The following ATP9A variants were observed in gnomAD, a reference collection of about 807,000 sequenced individuals.
The protein encoded by ATP9A is probable phospholipid-transporting ATPase IIA.
Under a neutral mutation model 144.1 loss-of-function variants are expected in ATP9A, and 52 were observed. That is an observed-to-expected ratio of 0.36 (90% CI 0.29 to 0.45). The LOEUF (loss-of-function observed/expected upper bound fraction) is 0.45. Among genes scored for constraint, ATP9A ranks in the 20% least tolerant of loss-of-function variants. The pLI is 1.00. For missense variants in ATP9A, 947 were observed against 1,392.7 expected (o/e 0.68, Z 5.09); for synonymous variants, 582 against 557.4 (o/e 1.04, Z -0.62).
At chr20:51,764,111 G>A (rs1432637670) in intron 1 of ATP9A, among the ~76,000 whole-genome samples, 1 of 152,040 alleles carries the variant, frequency 6.6e-6, no homozygotes, top group Non-Finnish European at 1.5e-5. Context: ...AACTTTACAT[G>A]GACTAAAAAA....
rs756116581 is a variant in ATP9A at position 51,746,343 on chromosome 20, C to T, written c.69-16365G>A. On this transcript the variant is annotated intron_variant, in intron 1 of 27. Coordinates refer to ENST00000338821, the MANE Select transcript of ATP9A (RefSeq NM_006045.3). The stretch of plus-strand genomic sequence containing the variant: ...TTTTTAAAATTTTTTATTTCATTCA[C>T]TTAACTGATTGAAATAGCCACGTGG... Among the ~76,000 whole-genome samples, 54 of 152,236 alleles carry T rather than the reference C, an allele frequency of 3.5e-4. 1 individual carries two copies. Among genetic ancestry groups the T allele is most frequent in the Non-Finnish European group, 1.0e-4 (7 of 68,034 alleles).
At chr20:51,710,789 G>A (rs2077634962) in intron 4 of ATP9A, among the ~76,000 whole-genome samples, 4 of 152,156 alleles carry the variant, frequency 2.6e-5, no homozygotes, top group African/African-American at 9.7e-5. Context: ...GCTGAGTGAA[G>A]TTGAAGCAAG....
intron 3 of ATP9A, among the ~76,000 whole-genome samples, chr20:51,714,657 C>G (rs1198047818): frequency 1.3e-5 from 2 of 152,150 alleles, no homozygotes; most frequent in Admixed American, 6.5e-5. Context: ...CGTGAGCCAC[C>G]ACGCCCAGCA....
intron 2 of ATP9A, among the ~76,000 whole-genome samples, chr20:51,729,379 G>C (rs1007678278): frequency 1.8e-4 from 24 of 133,126 alleles, no homozygotes; most frequent in African/African-American, 6.0e-4. Flanking sequence ...GCTGAACCCA[G>C]GGAAGATGAA....
chr20:51,662,334 C>T lies in ATP9A; in HGVS notation c.1294-5184G>A, dbSNP rs558418303. On this transcript the variant is annotated intron_variant, in intron 13 of 27. Transcript: ENST00000338821. ...GGAAGACGAGTGGATCGCCTGAGGTCGGGAGCTCGAGACCAGCCTGGCCAA... is the reference window on the plus strand; with the variant it reads ...GGAAGACGAGTGGATCGCCTGAGGTTGGGAGCTCGAGACCAGCCTGGCCAA... 5.9e-5 allele frequency among the ~76,000 whole-genome samples: 9 copies of T among 152,092 alleles called. No individual in the cohort carries two copies. In the South Asian group the frequency reaches 1.5e-3, roughly 25 times the overall value.
At chr20:51,625,096 G>A in intron 18 of ATP9A, 96 bp downstream of exon 18, 1 of 1,258,712 alleles carries the variant, frequency 7.9e-7, no homozygotes, top group Non-Finnish European at 1.1e-6. Context: ...GTCCTCTGCT[G>A]CTCCTCCCAC....
At chr20:51,766,329 C>T (rs551485918) in intron 1 of ATP9A, among the ~76,000 whole-genome samples, 14 of 152,308 alleles carry the variant, frequency 9.2e-5, no homozygotes, top group Middle Eastern at 3.4e-3. Flanking sequence ...TCAGGACACC[C>T]ACACCTGTTG....
At chr20:51,603,561 C>A (rs752369186) in intron 27 of ATP9A, among the ~76,000 whole-genome samples, 2 of 152,042 alleles carry the variant, frequency 1.3e-5, no homozygotes, top group African/African-American at 4.8e-5. Context: ...GTGGCTCAAT[C>A]AATTGGGAAG....
intron 9 of ATP9A, among the ~76,000 whole-genome samples, chr20:51,685,002 C>T (rs542975039): frequency 2.2e-5 from 3 of 137,836 alleles, no homozygotes; most frequent in South Asian, 2.3e-4. Context: ...CTGAGCGAGA[C>T]TCCATCTCCA....
intron 13 of ATP9A, among the ~76,000 whole-genome samples, chr20:51,663,620 C>T (rs2077420182): frequency 6.6e-6 from 1 of 151,890 alleles, no homozygotes. Flanking sequence ...TGGTGAAACC[C>T]CATCTCTACC....
intron 7 of ATP9A, among the ~76,000 whole-genome samples, chr20:51,693,369 AC>A (rs2077556436): frequency 6.6e-6 from 1 of 152,178 alleles, no homozygotes; most frequent in Non-Finnish European, 1.5e-5. Flanking sequence ...AGAATGACAG[AC>A]CCGACAGGCT....
At chr20:51,642,557 T>C (rs1362850723) in intron 14 of ATP9A, among the ~76,000 whole-genome samples, 1 of 151,630 alleles carries the variant, frequency 6.6e-6, no homozygotes, top group Non-Finnish European at 1.5e-5. Context: ...TCAAGGTCGC[T>C]TGATCACCAT....
At chr20:51,613,899 C>T in intron 22 of ATP9A, 67 bp from the exon 23 acceptor site, 10 of 1,462,040 alleles carry the variant, frequency 6.8e-6, no homozygotes, top group East Asian at 2.4e-5. Context: ...TTTTCTTTCA[C>T]TGAAAAAGCA....
intron 1 of ATP9A, among the ~76,000 whole-genome samples, chr20:51,763,835 G>T (rs1382027536): frequency 6.6e-6 from 1 of 152,020 alleles, no homozygotes; most frequent in Admixed American, 6.6e-5. Context: ...CAAAGTCTTG[G>T]GCCACCTGGT....
chr20:51,629,075 A>G lies in ATP9A; in HGVS notation c.1669-3T>C. ...GTAATTTCTCCAGTTGATTCATCCT[A>G]GAGAGGGAGGCCGGAAGGAATGAGA... On this transcript the variant is annotated splice_region_variant and splice_polypyrimidine_tract_variant and intron_variant, in intron 15 of 27. Coordinates refer to ENST00000338821, the MANE Select transcript of ATP9A (RefSeq NM_006045.3). The G allele has an allele frequency of 6.2e-7, 1 of 1,611,110 alleles. No homozygotes were observed. The highest frequency in any genetic ancestry group is 2.2e-5 in the East Asian group (1 of 44,876).
At position 51,656,943 on chromosome 20, in the gene ATP9A, C is replaced by T. The variant is rs1240454433; in HGVS notation, c.1501G>A (p.Asp501Asn). The T allele has an allele frequency of 1.9e-6, 3 of 1,613,498 alleles. No homozygotes were observed. The highest frequency in any genetic ancestry group is 2.5e-6 in the Non-Finnish European group (3 of 1,179,820). ...SCRVYQASSP[D>N]EVALVQWTES... The stretch of plus-strand genomic sequence containing the variant: ...CTGCACCTGCCCAGGTTTACCTCAT[C>T]GGGGCTGGATGCCTGGTATACGCGG... Residue 501 changes from aspartate to asparagine, a missense_variant, in exon 14 of 28, where the codon GAT becomes AAT. Coordinates refer to ENST00000338821, the MANE Select transcript of ATP9A (RefSeq NM_006045.3).
At chr20:51,745,552 G>A (rs2077804610) in intron 1 of ATP9A, among the ~76,000 whole-genome samples, 3 of 152,162 alleles carry the variant, frequency 2.0e-5, no homozygotes, top group African/African-American at 7.2e-5. Context: ...GTGTTTGATT[G>A]TCACTACTAC....
chr20:51,743,396 A>ATTTTTTTTTTTTTTTT lies in ATP9A; in HGVS notation c.69-13434_69-13419dup, dbSNP rs769952209. Among the ~76,000 whole-genome samples, 4 of 89,856 alleles carry ATTTTTTTTTTTTTTTT rather than the reference A, an allele frequency of 4.5e-5. 1 individual carries two copies. The highest frequency in any genetic ancestry group is 8.0e-5 in the Non-Finnish European group (4 of 50,102). 58.9% of individuals were successfully genotyped at this position (89,856 alleles called of 152,430 possible). A position where few individuals can be genotyped will look rare whatever the true frequency, so the allele number is the denominator to read the frequency against. On this transcript the variant is annotated intron_variant, in intron 1 of 27. Coordinates refer to ENST00000338821, the MANE Select transcript of ATP9A (RefSeq NM_006045.3). ...GAGATGGGCTGCAAGACCGAAACTGATTTTTTTTTTTTTTTTTTTTTGAGA... is the reference window on the plus strand; with the variant it reads ...GAGATGGGCTGCAAGACCGAAACTGATTTTTTTTTTTTTTTTTTTTTTTTTTTTTTTTTTTTTGAGA...
intron 17 of ATP9A, among the ~76,000 whole-genome samples, chr20:51,627,092 TAAG>T (rs948388423): frequency 2.7e-5 from 4 of 149,162 alleles, no homozygotes; most frequent in African/African-American, 7.4e-5. Flanking sequence ...AGAACAAGAA[TAAG>T]AAGAACAAAC....
Sources: gnomAD v4.1 joint callset for allele counts (sites outside exome capture counted in the v4.1 genomes callset) on GRCh38, gnomAD v4.1.1 for gene constraint, MANE v1.5 for transcripts, NCBI Gene and HGNC (gene_info 2026-07-23, HGNC 2026-07-21) for gene names.